PCGF6: variants seen among roughly 807,000 people sequenced by gnomAD.
The protein encoded by PCGF6 is polycomb group RING finger protein 6.
Under a neutral mutation model 45.5 loss-of-function variants are expected in PCGF6, and 24 were observed. The ratio of observed to expected loss-of-function variants is 0.53; its 90% CI spans 0.38 to 0.74. The LOEUF (loss-of-function observed/expected upper bound fraction) is 0.74. Among genes scored for constraint, PCGF6 ranks in the 30% least tolerant of loss-of-function variants. The pLI is 0.00. For synonymous variants in PCGF6, 152 were observed against 162.1 expected (o/e 0.94, Z 0.47); for missense variants, 356 against 443.2 (o/e 0.80, Z 1.77).
intron 9 of PCGF6, among the ~76,000 whole-genome samples, chr10:103,313,396 T>G (rs2093164135): frequency 1.3e-5 from 2 of 152,152 alleles, no homozygotes; most frequent in South Asian, 4.2e-4. Flanking sequence ...GAAACCCTGT[T>G]TTGACTAAAA....
At chr10:103,307,623 C>T (rs1307276388) in intron 9 of PCGF6, among the ~76,000 whole-genome samples, 1 of 152,138 alleles carries the variant, frequency 6.6e-6, no homozygotes, top group Non-Finnish European at 1.5e-5. Flanking sequence ...CAGGTGCATG[C>T]CACCATGCCC....
At chr10:103,330,098 A>G (rs2093234681) in intron 7 of PCGF6, among the ~76,000 whole-genome samples, 1 of 146,808 alleles carries the variant, frequency 6.8e-6, no homozygotes, top group South Asian at 2.1e-4. Flanking sequence ...TTTTTTTGAG[A>G]TGAAGTTTTG....
chr10:103,340,194 A>AT (rs1313278844), intron 6 of PCGF6, among the ~76,000 whole-genome samples: 140 of 106,490 alleles, frequency 1.3e-3, no homozygotes, highest in South Asian at 2.7e-3. Flanking sequence ...AAAAAAAAAA[A>AT]AAAAATATAT....
At chr10:103,309,954 CTTTT>C (rs775316303) in intron 9 of PCGF6, among the ~76,000 whole-genome samples, 1 of 141,492 alleles carries the variant, frequency 7.1e-6, no homozygotes, top group African/African-American at 2.6e-5. Flanking sequence ...CCTTGTCTTT[CTTTT>C]TTTTTTTTTT....
At chr10:103,328,346 C>CA (rs1367660493) in intron 7 of PCGF6, among the ~76,000 whole-genome samples, 3 of 152,148 alleles carry the variant, frequency 2.0e-5, no homozygotes, top group African/African-American at 4.8e-5. Context: ...AACTAAAACT[C>CA]AGAGTCTATA....
At position 103,304,854 on chromosome 10, in the gene PCGF6, C is replaced by T. The variant is rs139753052; in HGVS notation, c.997-893G>A. On this transcript the variant is annotated intron_variant, in intron 9 of 9. Coordinates refer to ENST00000369847, the MANE Select transcript of PCGF6 (RefSeq NM_001011663.2). The stretch of plus-strand genomic sequence containing the variant: ...TTTTTTGTAGGAGACAGAGTTTCAC[C>T]GTATTGCATAGGCTGGGCTCAAACA... Among the ~76,000 whole-genome samples the T allele has an allele frequency of 1.4e-4, 22 of 152,014 alleles. No individual in the cohort carries two copies. In the East Asian group the frequency reaches 1.7e-3, roughly 12 times the overall value.
At chr10:103,336,582 T>C (rs1269014777) in intron 6 of PCGF6, among the ~76,000 whole-genome samples, 1 of 152,146 alleles carries the variant, frequency 6.6e-6, no homozygotes, top group Non-Finnish European at 1.5e-5. Context: ...TGTTAGAAAT[T>C]GCTTGCTTGC....
chr10:103,308,145 G>C (rs2093144295), intron 9 of PCGF6, among the ~76,000 whole-genome samples: 1 of 152,054 alleles, frequency 6.6e-6, no homozygotes, highest in African/African-American at 2.4e-5. Flanking sequence ...CCCCACATAG[G>C]GTCTCCACTG....
At chr10:103,340,941 T>G (rs1212283105) in intron 6 of PCGF6, among the ~76,000 whole-genome samples, 1 of 152,112 alleles carries the variant, frequency 6.6e-6, no homozygotes, top group African/African-American at 2.4e-5. Flanking sequence ...TTTAAAAATA[T>G]AATTCCTTAC....
chr10:103,315,994 GTA>G (rs376306313), intron 8 of PCGF6, among the ~76,000 whole-genome samples: 23,216 of 130,652 alleles, frequency 0.18, 2,291 homozygotes, highest in South Asian at 0.27. Flanking sequence ...GTGTGTGTGT[GTA>G]TATATATATA....
chr10:103,346,155 A>G (rs2093298276), intron 5 of PCGF6, among the ~76,000 whole-genome samples: 1 of 150,940 alleles, frequency 6.6e-6, no homozygotes, highest in Admixed American at 6.7e-5. Flanking sequence ...AGATCATGCC[A>G]CTGCACTCCA....
Sources: allele counts gnomAD v4.1 joint callset (sites outside exome capture counted in the v4.1 genomes callset), GRCh38; gene constraint gnomAD v4.1.1; transcripts MANE v1.5; gene names NCBI Gene and HGNC (gene_info 2026-07-23, HGNC 2026-07-21).